The following GSG1L variants were observed in gnomAD, a reference collection of about 807,000 sequenced individuals.
GSG1L encodes GSG1 like, also known as germ cell-specific gene 1-like protein.
A neutral mutation model predicts 42.1 loss-of-function variants in GSG1L; 24 were observed. The ratio of observed to expected loss-of-function variants is 0.57; its 90% CI spans 0.41 to 0.80. The LOEUF is 0.80. GSG1L is among the 30% of genes least tolerant of loss of function. The pLI, the probability that GSG1L is intolerant of heterozygous loss-of-function variation, is 0.00. For synonymous variants in GSG1L, 215 were observed against 203.5 expected, an observed-to-expected ratio of 1.06 and a Z score of -0.48; for missense variants, 445 against 472.2, an observed-to-expected ratio of 0.94 and a Z score of 0.53.
chr16:28,006,602 C>A (rs1245213158), intron 1 of GSG1L, among the ~76,000 whole-genome samples: 1 of 152,194 alleles, frequency 6.6e-6, no homozygotes, highest in Non-Finnish European at 1.5e-5. Flanking sequence ...AGCCACCGCG[C>A]CTGCCCCATG....
intron 6 of GSG1L, among the ~76,000 whole-genome samples, chr16:27,795,458 C>T (rs1392743638): frequency 6.6e-6 from 1 of 152,162 alleles, no homozygotes; most frequent in African/African-American, 2.4e-5. Context: ...GCAACTTCAC[C>T]TCTCTGAGCC....
In GSG1L at chr16:27,828,862, T is replaced by C; in HGVS notation, c.757A>G (p.Lys253Glu). Residue 253 changes from lysine (K) to glutamate (E), a missense_variant, in exon 5 of 7, where the codon AAG becomes GAG. Coordinates refer to ENST00000447459, the MANE Select transcript of GSG1L (RefSeq NM_001109763.2). ...TCCCGGTAGCCCTGCTCAAAGACCT[T>C]GCGCTTGTGCCGGAACTCAATGACC... ...KTVIEFRHKR[K>E]VFEQGYREEP... 1 of 1,614,164 alleles carries C rather than the reference T, an allele frequency of 6.2e-7. No individual in the cohort carries two copies. The highest frequency in any genetic ancestry group is 8.5e-7 in the Non-Finnish European group (1 of 1,180,038).
intron 3 of GSG1L, among the ~76,000 whole-genome samples, chr16:27,855,101 T>C (rs1189053895): frequency 6.6e-6 from 1 of 152,044 alleles, no homozygotes; most frequent in Admixed American, 6.6e-5. Context: ...ACAACAGACA[T>C]CCAGGGTGCT....
intron 4 of GSG1L, among the ~76,000 whole-genome samples, chr16:27,844,623 T>C (rs73519014): frequency 0.017 from 2,641 of 152,330 alleles, 96 homozygotes; most frequent in African/African-American, 0.06. Flanking sequence ...TTATGGACAT[T>C]GAAATTTGAA....
At chr16:28,062,707 G>C (rs1000395921) in intron 1 of GSG1L, among the ~76,000 whole-genome samples, 1 of 152,192 alleles carries the variant, frequency 6.6e-6, no homozygotes, top group Admixed American at 6.5e-5. Flanking sequence ...GAAAGGAAGA[G>C]GAGGAGGGGG....
At chr16:27,878,260 G>A (rs1308842482) in intron 3 of GSG1L, among the ~76,000 whole-genome samples, 1 of 152,066 alleles carries the variant, frequency 6.6e-6, no homozygotes, top group Non-Finnish European at 1.5e-5. Context: ...AAAGAAAAGG[G>A]GTTTAATTGT....
chr16:28,007,248 A>G (rs1456532910), intron 1 of GSG1L, among the ~76,000 whole-genome samples: 1 of 152,160 alleles, frequency 6.6e-6, no homozygotes, highest in African/African-American at 2.4e-5. Flanking sequence ...CATATAAGAG[A>G]GAAGCCAGAG....
At chr16:27,821,510 A>C (rs755803320) in intron 5 of GSG1L, among the ~76,000 whole-genome samples, 2 of 151,972 alleles carry the variant, frequency 1.3e-5, no homozygotes, top group Non-Finnish European at 2.9e-5. Flanking sequence ...ATTAGCTCCC[A>C]CTTATAAGTG....
At chr16:28,037,373 A>G (rs923628256) in intron 1 of GSG1L, among the ~76,000 whole-genome samples, 1 of 152,190 alleles carries the variant, frequency 6.6e-6, no homozygotes, top group African/African-American at 2.4e-5. Flanking sequence ...ACCACAAGCC[A>G]TTAGTGGATG....
chr16:27,862,543 C>T (rs1037242114), intron 3 of GSG1L, among the ~76,000 whole-genome samples: 2 of 152,218 alleles, frequency 1.3e-5, no homozygotes, highest in Non-Finnish European at 2.9e-5. Context: ...GTTGCTAAGG[C>T]CATGGCAATA....
intron 2 of GSG1L, among the ~76,000 whole-genome samples, chr16:27,899,031 AG>A (rs2084225887): frequency 6.6e-6 from 1 of 152,140 alleles, no homozygotes; most frequent in African/African-American, 2.4e-5. Flanking sequence ...AGGCAGTGAG[AG>A]GGAAGAAAGT....
At chr16:27,940,092 A>C (rs2084770673) in intron 2 of GSG1L, among the ~76,000 whole-genome samples, 1 of 152,216 alleles carries the variant, frequency 6.6e-6, no homozygotes, top group Admixed American at 6.5e-5. Context: ...GCCAAAAAAC[A>C]CATGAAAAAA....
At chr16:27,956,093 GCTAGAAAGTTTAATGATAGTTGGTTAAT>G (rs1186534907) in intron 2 of GSG1L, among the ~76,000 whole-genome samples, 17 of 152,282 alleles carry the variant, frequency 1.1e-4, no homozygotes, top group African/African-American at 3.4e-4. Flanking sequence ...TTCTTTTGAA[GCTAGAAAGTTTAATGATAGTTGGTTAAT>G]CTAGAAAATT....
intron 6 of GSG1L, among the ~76,000 whole-genome samples, chr16:27,807,001 C>A (rs745646063): frequency 2.0e-5 from 3 of 152,228 alleles, no homozygotes; most frequent in Admixed American, 6.5e-5. Flanking sequence ...TTCTTCTCTG[C>A]TTTGCTTTCT....
At chr16:28,050,748 G>A (rs1459509402) in intron 1 of GSG1L, among the ~76,000 whole-genome samples, 1 of 152,182 alleles carries the variant, frequency 6.6e-6, no homozygotes, top group African/African-American at 2.4e-5. Context: ...CACCAACTCA[G>A]AGGAGCCCAA....
At chr16:27,996,036 AAAAT>A (rs1170735722) in intron 1 of GSG1L, among the ~76,000 whole-genome samples, 1 of 152,010 alleles carries the variant, frequency 6.6e-6, no homozygotes, top group Non-Finnish European at 1.5e-5. Flanking sequence ...CCCATATCTA[AAAAT>A]AAATAAAAAC....
At chr16:27,971,156 A>G (rs1317858950) in intron 1 of GSG1L, among the ~76,000 whole-genome samples, 1 of 152,138 alleles carries the variant, frequency 6.6e-6, no homozygotes, top group Non-Finnish European at 1.5e-5. Context: ...GAATTTTAGG[A>G]TCAATGTGTG....
chr16:28,051,333 G>A (rs376076246), intron 1 of GSG1L, among the ~76,000 whole-genome samples: 6 of 152,128 alleles, frequency 3.9e-5, no homozygotes, highest in Non-Finnish European at 5.9e-5. Flanking sequence ...CAGTTCTGCC[G>A]GTGACTAGGG....
intron 1 of GSG1L, among the ~76,000 whole-genome samples, chr16:28,014,524 G>A (rs1217326866): frequency 6.6e-6 from 1 of 152,114 alleles, no homozygotes; most frequent in Non-Finnish European, 1.5e-5. Context: ...TTTTTTAAGA[G>A]ACAGGGTCTC....
Sources: gnomAD v4.1 joint callset for allele counts (sites outside exome capture counted in the v4.1 genomes callset) on GRCh38, gnomAD v4.1.1 for gene constraint, MANE v1.5 for transcripts, NCBI Gene and HGNC (gene_info 2026-07-23, HGNC 2026-07-21) for gene names.